The following PPM1L variants were observed in gnomAD, a reference collection of about 807,000 sequenced individuals.
PPM1L encodes protein phosphatase 1L.
A neutral mutation model predicts 31.4 loss-of-function variants in PPM1L; 13 were observed. The ratio of observed to expected loss-of-function variants is 0.41; its 90% CI spans 0.27 to 0.66. The LOEUF is 0.66. Among genes scored for constraint, PPM1L ranks in the 30% least tolerant of loss-of-function variants. PPM1L has a pLI of 0.29. For synonymous variants in PPM1L, 184 were observed against 175.4 expected (o/e 1.05, Z -0.39); for missense variants, 326 against 453.7 (o/e 0.72, Z 2.56).
At chr3:161,027,428 C>T (rs1718434246) in intron 2 of PPM1L, among the ~76,000 whole-genome samples, 2 of 152,174 alleles carry the variant, frequency 1.3e-5, no homozygotes, top group African/African-American at 4.8e-5. Flanking sequence ...TTAGTTAGTT[C>T]CCTGTGACTG....
chr3:161,040,532 G>T (rs1290862925), intron 2 of PPM1L, among the ~76,000 whole-genome samples: 1 of 152,120 alleles, frequency 6.6e-6, no homozygotes, highest in Non-Finnish European at 1.5e-5. Flanking sequence ...AGAGAAAATC[G>T]AGCATGGTTA....
intron 1 of PPM1L, among the ~76,000 whole-genome samples, chr3:160,874,412 C>G (rs1191457516): frequency 6.6e-6 from 1 of 152,160 alleles, no homozygotes; most frequent in Non-Finnish European, 1.5e-5. Flanking sequence ...AGGCTTCTAG[C>G]TTTTCCTTCA....
chr3:160,924,363 T>C (rs2108074241), intron 1 of PPM1L, among the ~76,000 whole-genome samples: 1 of 152,286 alleles, frequency 6.6e-6, no homozygotes, highest in Non-Finnish European at 1.5e-5. Flanking sequence ...ATAGGGACAT[T>C]AAAACGTTTG....
chr3:160,952,389 C>T (rs939591668), intron 1 of PPM1L, among the ~76,000 whole-genome samples: 2 of 152,182 alleles, frequency 1.3e-5, no homozygotes, highest in African/African-American at 2.4e-5. Flanking sequence ...GAAACCTTGC[C>T]TGCAATAAAA....
At chr3:160,948,023 G>A (rs536716734) in intron 1 of PPM1L, among the ~76,000 whole-genome samples, 98 of 152,236 alleles carry the variant, frequency 6.4e-4, no homozygotes, top group Admixed American at 1.4e-3. Flanking sequence ...TATAGAAGCA[G>A]TAATGTTAAT....
intron 1 of PPM1L, among the ~76,000 whole-genome samples, chr3:160,872,364 A>G (rs1050241939): frequency 1.3e-5 from 2 of 151,986 alleles, no homozygotes; most frequent in Non-Finnish European, 2.9e-5. Flanking sequence ...TCCCTCTTTC[A>G]TCCCTTTAAA....
intron 1 of PPM1L, among the ~76,000 whole-genome samples, chr3:160,896,504 C>T (rs552267406): frequency 4.1e-4 from 63 of 152,192 alleles, no homozygotes; most frequent in African/African-American, 1.3e-3. Flanking sequence ...CACTTACTCA[C>T]GGCAAACCAA....
In PPM1L at chr3:161,076,852, GT is replaced by G. The variant is rs1281923912; in HGVS notation, c.*7702del. Reference sequence around the variant, plus strand: ...TAATTTGTATAAGGAAAATGTATGAGTTTTTTTCTTAAAAATAAATAGAAGC... The same window carrying G: ...TAATTTGTATAAGGAAAATGTATGAGTTTTTTCTTAAAAATAAATAGAAGC... On this transcript the variant is annotated 3_prime_UTR_variant, in exon 4 of 4. Coordinates refer to ENST00000498165, the MANE Select transcript of PPM1L (RefSeq NM_139245.4). 6.8e-6 allele frequency: 1 copy of G among 147,998 alleles called. No individual in the cohort carries two copies. The highest frequency in any genetic ancestry group is 1.5e-5 in the Non-Finnish European group (1 of 68,006). The allele number at this position is 147,998 out of a possible 1,614,324, so 9.2% of individuals were successfully genotyped here. A position where few individuals can be genotyped will look rare whatever the true frequency, so the allele number is the denominator to read the frequency against.
intron 2 of PPM1L, among the ~76,000 whole-genome samples, chr3:160,996,751 A>G (rs1576770168): frequency 1.3e-5 from 2 of 152,284 alleles, no homozygotes; most frequent in Middle Eastern, 6.8e-3. Context: ...ACTTAACACC[A>G]AACACCACCT....
At chr3:160,899,420 G>A (rs1713463218) in intron 1 of PPM1L, among the ~76,000 whole-genome samples, 1 of 152,154 alleles carries the variant, frequency 6.6e-6, no homozygotes, top group African/African-American at 2.4e-5. Flanking sequence ...GGGAAGTACA[G>A]GGGTAAGGAA....
chr3:160,864,935 A>G (rs1394588043), intron 1 of PPM1L, among the ~76,000 whole-genome samples: 2 of 152,232 alleles, frequency 1.3e-5, no homozygotes. Context: ...TAAAAGTCCA[A>G]CACTTTAATC....
At chr3:160,771,142 G>A (rs1490149906) in intron 1 of PPM1L, among the ~76,000 whole-genome samples, 2 of 152,118 alleles carry the variant, frequency 1.3e-5, no homozygotes, top group African/African-American at 4.8e-5. Flanking sequence ...TGATATAGAA[G>A]AGTATTTTGA....
rs539624878 is a variant in PPM1L at position 160,906,290 on chromosome 3, A to G, written c.400-55446A>G. On this transcript the variant is annotated intron_variant, in intron 1 of 3. Transcript: ENST00000498165. ...GCAGCTTAAAACAGCAAATATTTGT[A>G]TAATAATTGTTGTGGATTAAGGACC... 6.6e-5 allele frequency among the ~76,000 whole-genome samples: 10 copies of G among 152,306 alleles called. No homozygotes were observed. The South Asian group carries it at 1.0e-3, about 16-fold the overall frequency.
Position 161,063,100 on chromosome 3 carries a change from A to G in PPM1L, c.575-2303A>G, listed in dbSNP as rs1239984561. Among the ~76,000 whole-genome samples, 6 of 152,224 alleles carry G rather than the reference A, an allele frequency of 3.9e-5. No individual in the cohort carries two copies. The East Asian group carries it at 1.2e-3, about 29-fold the overall frequency. ...TTTCTATTTTACCTTTCAAACTCTA[A>G]GACTGTGCCTTATAGGAGAATTTAT... is the stretch of plus-strand genomic sequence containing the variant. On this transcript the variant is annotated intron_variant, in intron 2 of 3. Transcript: ENST00000498165.
intron 1 of PPM1L, among the ~76,000 whole-genome samples, chr3:160,877,074 T>A (rs1053418140): frequency 3.3e-5 from 5 of 152,184 alleles, no homozygotes; most frequent in African/African-American, 7.2e-5. Flanking sequence ...TTGCATTTTT[T>A]AAAAAGTCTA....
In PPM1L at chr3:160,970,787, A is replaced by ATTCTTTTTTTTTTT. The variant is rs1360956984; in HGVS notation, c.574+8879_574+8880insCTTTTTTTTTTTTT. Among the ~76,000 whole-genome samples, 178 of 97,174 alleles carry ATTCTTTTTTTTTTT rather than the reference A, an allele frequency of 1.8e-3. 33 individuals carry two copies. The highest frequency in any genetic ancestry group is 7.7e-3 in the African/African-American group (173 of 22,362). 63.7% of individuals were successfully genotyped at this position (97,174 alleles called of 152,430 possible). ...CAAGCTGATTTTAATTTCAGTTATA[A>ATTCTTTTTTTTTTT]TTTTTTTTTTTTTTTTTTTTTTGAG... On this transcript the variant is annotated intron_variant, in intron 2 of 3. Coordinates refer to ENST00000498165, the MANE Select transcript of PPM1L (RefSeq NM_139245.4).
chr3:160,765,522 A>T (rs1226496743), intron 1 of PPM1L, among the ~76,000 whole-genome samples: 1 of 152,160 alleles, frequency 6.6e-6, no homozygotes, highest in African/African-American at 2.4e-5. Context: ...TGTAGTTAAA[A>T]AAGATTGGGG....
At chr3:160,914,542 T>C (rs1343978355) in intron 1 of PPM1L, among the ~76,000 whole-genome samples, 1 of 150,736 alleles carries the variant, frequency 6.6e-6, no homozygotes, top group African/African-American at 2.4e-5. Flanking sequence ...ATACAGTGTT[T>C]GGTTTTCTGT....
At chr3:161,059,351 G>A (rs1385843257) in intron 2 of PPM1L, among the ~76,000 whole-genome samples, 2 of 152,168 alleles carry the variant, frequency 1.3e-5, no homozygotes, top group East Asian at 3.8e-4. Flanking sequence ...ATGGGAGCAT[G>A]AGCTATACAT....
Sources: allele counts gnomAD v4.1 joint callset (sites outside exome capture counted in the v4.1 genomes callset), GRCh38; gene constraint gnomAD v4.1.1; transcripts MANE v1.5; gene names NCBI Gene and HGNC (gene_info 2026-07-23, HGNC 2026-07-21).